The following TRIO variants were observed in gnomAD, a reference collection of about 807,000 sequenced individuals.
TRIO encodes the protein trio Rho guanine nucleotide exchange factor, also known as triple functional domain protein.
Under a neutral mutation model 351.9 loss-of-function variants are expected in TRIO, and 58 were observed. The ratio of observed to expected loss-of-function variants is 0.16; its 90% CI spans 0.13 to 0.21. TRIO has a LOEUF of 0.21. Among genes scored for constraint, TRIO ranks in the 10% least tolerant of loss-of-function variants. TRIO has a pLI of 1.00. For synonymous variants in TRIO, 1,758 were observed against 1,595.7 expected, an observed-to-expected ratio of 1.10 and a Z score of -2.42; for missense variants, 3,201 against 4,027.8, an observed-to-expected ratio of 0.79 and a Z score of 5.56.
At chr5:14,391,228 A>C (rs1320457043) in intron 27 of TRIO, among the ~76,000 whole-genome samples, 1 of 152,146 alleles carries the variant, frequency 6.6e-6, no homozygotes, top group Non-Finnish European at 1.5e-5. Flanking sequence ...TGTAATATAT[A>C]GATGTATGTT....
At chr5:14,473,657 A>G (rs1326133240) in intron 39 of TRIO, among the ~76,000 whole-genome samples, 3 of 152,268 alleles carry the variant, frequency 2.0e-5, no homozygotes, top group Non-Finnish European at 4.4e-5. Context: ...TGCTGAAAAC[A>G]GGAGATATGA....
At chr5:14,187,267 G>C (rs1436687864) in intron 1 of TRIO, among the ~76,000 whole-genome samples, 1 of 152,226 alleles carries the variant, frequency 6.6e-6, no homozygotes. Context: ...AAGGACTACA[G>C]ATCTAATGCC....
At chr5:14,478,112 C>T (rs1354030573) in intron 41 of TRIO, among the ~76,000 whole-genome samples, 2 of 152,096 alleles carry the variant, frequency 1.3e-5, no homozygotes, top group Non-Finnish European at 2.9e-5. Context: ...GTGGTTAGTT[C>T]CACTCACAAC....
At position 14,403,679 on chromosome 5, in the gene TRIO, CAGGTGGTGGTGAGGGTGT is replaced by C. The variant is rs1561448656; in HGVS notation, c.4717-2164_4717-2147del. Among the ~76,000 whole-genome samples, 212 of 22,340 alleles carry C rather than the reference CAGGTGGTGGTGAGGGTGT, an allele frequency of 9.5e-3. 8 individuals are homozygous for C. The highest frequency in any genetic ancestry group is 0.042 in the Middle Eastern group (1 of 24). 14.7% of individuals were successfully genotyped at this position (22,340 alleles called of 152,430 possible). On this transcript the variant is annotated intron_variant, in intron 31 of 56. Transcript: ENST00000344204. The stretch of plus-strand genomic sequence containing the variant: ...GAGGGTGCAGGTGGTGGTGAGGGTG[CAGGTGGTGGTGAGGGTGT>C]AGGTTGTGGTGAGGGTGTAGGTTGT...
chr5:14,478,756 G>T (rs890467369), intron 41 of TRIO, among the ~76,000 whole-genome samples: 1 of 147,608 alleles, frequency 6.8e-6, no homozygotes, highest in African/African-American at 2.5e-5. Context: ...TTGAGACCAG[G>T]CTGGGTGAAA....
intron 1 of TRIO, among the ~76,000 whole-genome samples, chr5:14,167,543 G>T (rs1788844252): frequency 1.3e-5 from 2 of 152,314 alleles, no homozygotes; most frequent in South Asian, 4.1e-4. Flanking sequence ...TTTAAGAAAA[G>T]ATACCCATTG....
chr5:14,175,310 G>A (rs1356117997), intron 1 of TRIO, among the ~76,000 whole-genome samples: 1 of 152,154 alleles, frequency 6.6e-6, no homozygotes, highest in Non-Finnish European at 1.5e-5. Context: ...TACATGTGCA[G>A]GATTCAAATG....
chr5:14,353,323 G>GC (rs1413257667), intron 11 of TRIO, among the ~76,000 whole-genome samples: 3 of 148,442 alleles, frequency 2.0e-5, no homozygotes, highest in Admixed American at 1.4e-4. Context: ...GAGTGCAGTG[G>GC]CATGATCTCA....
At chr5:14,177,827 AATGC>A (rs1171504746) in intron 1 of TRIO, among the ~76,000 whole-genome samples, 1 of 152,170 alleles carries the variant, frequency 6.6e-6, no homozygotes, top group African/African-American at 2.4e-5. Flanking sequence ...TCTTCATGCT[AATGC>A]AAGACTTTCT....
intron 1 of TRIO, among the ~76,000 whole-genome samples, chr5:14,146,796 T>G (rs760668555): frequency 5.3e-5 from 8 of 152,222 alleles, no homozygotes; most frequent in Non-Finnish European, 8.8e-5. Context: ...TCCGCTTTTC[T>G]TTGGGTAGTT....
intron 1 of TRIO, among the ~76,000 whole-genome samples, chr5:14,210,732 G>T (rs779287235): frequency 6.6e-6 from 1 of 152,056 alleles, no homozygotes; most frequent in African/African-American, 2.4e-5. Flanking sequence ...TTATTGTAGC[G>T]GTATGTTTTT....
At chr5:14,430,664 A>G (rs1216889771) in intron 34 of TRIO, among the ~76,000 whole-genome samples, 2 of 151,632 alleles carry the variant, frequency 1.3e-5, no homozygotes, top group East Asian at 3.9e-4. Flanking sequence ...TCTTACCACA[A>G]ACATTTCACA....
intron 34 of TRIO, among the ~76,000 whole-genome samples, chr5:14,449,586 A>C (rs951921116): frequency 1.3e-5 from 2 of 151,996 alleles, no homozygotes; most frequent in African/African-American, 4.8e-5. Flanking sequence ...CTAGTGATCA[A>C]CTGTCCACCA....
chr5:14,283,634 C>T (rs2152279223), intron 3 of TRIO, among the ~76,000 whole-genome samples: 1 of 152,252 alleles, frequency 6.6e-6, no homozygotes, highest in East Asian at 1.9e-4. Flanking sequence ...AGAGGCAGAT[C>T]ACATTGTTTT....
chr5:14,175,221 T>G (rs1581274854), intron 1 of TRIO, among the ~76,000 whole-genome samples: 1 of 152,214 alleles, frequency 6.6e-6, no homozygotes, highest in Non-Finnish European at 1.5e-5. Flanking sequence ...TTTATGGCTG[T>G]CAGGATTTAA....
chr5:14,457,146 A>G (rs1476576554), intron 34 of TRIO, among the ~76,000 whole-genome samples: 1 of 152,218 alleles, frequency 6.6e-6, no homozygotes, highest in East Asian at 1.9e-4. Context: ...ATTTTTCTCA[A>G]GGTAAAATTT....
intron 15 of TRIO, among the ~76,000 whole-genome samples, chr5:14,365,332 T>C (rs531690204): frequency 6.6e-6 from 1 of 152,332 alleles, no homozygotes; most frequent in African/African-American, 2.4e-5. Flanking sequence ...TATGACATTT[T>C]ATTAACTGGC....
chr5:14,349,379 T>C (rs562947948), intron 11 of TRIO, among the ~76,000 whole-genome samples: 1 of 152,376 alleles, frequency 6.6e-6, no homozygotes, highest in South Asian at 2.1e-4. Flanking sequence ...TGTGAGCATG[T>C]GTGTGTTTTA....
intron 31 of TRIO, among the ~76,000 whole-genome samples, chr5:14,405,112 C>T (rs1336365873): frequency 6.6e-6 from 1 of 150,890 alleles, no homozygotes; most frequent in Non-Finnish European, 1.5e-5. Context: ...AAGTCTGGAT[C>T]AAGTGATGTC....
Sources: allele counts gnomAD v4.1 joint callset (sites outside exome capture counted in the v4.1 genomes callset), GRCh38; gene constraint gnomAD v4.1.1; transcripts MANE v1.5; gene names NCBI Gene and HGNC (gene_info 2026-07-23, HGNC 2026-07-21).